Variants in DCAF1 observed in about 807,000 individuals in gnomAD.
The protein encoded by DCAF1 is DDB1- and CUL4-associated factor 1.
DCAF1 carries 15 observed loss-of-function variants against 128.0 expected under a neutral mutation model. The observed-to-expected ratio is 0.12, with a 90% CI of 0.08 to 0.18. The LOEUF (loss-of-function observed/expected upper bound fraction) is 0.18. Among genes scored for constraint, DCAF1 ranks in the 10% least tolerant of loss-of-function variants. The pLI, the probability that DCAF1 is intolerant of heterozygous loss-of-function variation, is 1.00. For synonymous variants in DCAF1, 610 were observed against 603.0 expected (o/e 1.01, Z -0.17); for missense variants, 988 against 1,649.5 (o/e 0.60, Z 6.95).
rs782529546 is a variant in DCAF1, at chr3:51,414,721, C to T, written c.3740G>A (p.Arg1247His). The change falls in exon 19 of 25, where the codon CGC becomes CAC. Residue 1247 changes from arginine (R) to histidine (H), a missense_variant. Physicochemically the swap from Arg to His is conservative, Grantham distance 29. Around this residue, in one of 11 missense-constraint regions of DCAF1, gnomAD observed 85 missense variants for 204.6 expected, o/e 0.42. Coordinates refer to ENST00000684031, the MANE Select transcript of DCAF1 (RefSeq NM_001387579.1). Reference protein sequence around the residue: ...VLNDGVLWDVRSAQAIHKFDK... With the variant: ...VLNDGVLWDVHSAQAIHKFDK... The stretch of plus-strand genomic sequence containing the variant: ...AAACTTGTGGATGGCCTGTGCAGAG[C>T]GGACATCCCAGAGGACGCCATCATT... The T allele has an allele frequency of 1.7e-5, 27 of 1,613,862 alleles. No individual in the cohort carries two copies. In the African/African-American group the frequency reaches 2.4e-4, roughly 14 times the overall value.
chr3:51,419,917 C>A lies in DCAF1; in HGVS notation c.3053G>T (p.Arg1018Leu). Reference sequence around the variant, plus strand: ...GCAGGTGGCAACTGGATTCTTGCAGCGAGCATGTTGTTCTCTAAGATACTC... The same window carrying A: ...GCAGGTGGCAACTGGATTCTTGCAGAGAGCATGTTGTTCTCTAAGATACTC... The part of the protein sequence containing the change: ...ITEYLREQHA[R>L]CKNPVATCPP... The change falls in exon 15 of 25, where the codon CGC becomes CTC. Residue 1018 changes from arginine to leucine, a missense_variant. Around this residue, in one of 11 missense-constraint regions of DCAF1, gnomAD observed 105 missense variants for 266.7 expected, o/e 0.39. Transcript: ENST00000684031. The A allele has an allele frequency of 6.2e-7, 1 of 1,613,952 alleles. No individual in the cohort carries two copies. Among genetic ancestry groups the A allele is most frequent in the Non-Finnish European group, 8.5e-7 (1 of 1,179,890 alleles).
intron 3 of DCAF1, among the ~76,000 whole-genome samples, chr3:51,480,516 T>C (rs1706049796): frequency 6.6e-6 from 1 of 150,682 alleles, no homozygotes; most frequent in Non-Finnish European, 1.5e-5. Flanking sequence ...GGAGAATTGC[T>C]TGAAGCCAGG....
intron 22 of DCAF1, 131 bp from the exon 23 acceptor site, chr3:51,412,611 GCTGA>G (rs1374715303): frequency 4.2e-6 from 6 of 1,439,234 alleles, no homozygotes; most frequent in Non-Finnish European, 5.5e-6. Flanking sequence ...AAATTCTTGA[GCTGA>G]CTATGAAAAT....
At chr3:51,481,232 A>G (rs1378368616) in intron 3 of DCAF1, among the ~76,000 whole-genome samples, 1 of 152,232 alleles carries the variant, frequency 6.6e-6, no homozygotes, top group Non-Finnish European at 1.5e-5. Context: ...CTCTGTAGGA[A>G]AAAGGAAGTC....
upstream of DCAF1, among the ~76,000 whole-genome samples, chr3:51,504,193 C>T (rs570898062): frequency 1.3e-3 from 204 of 152,100 alleles, no homozygotes; most frequent in Admixed American, 3.2e-3. Context: ...CCCGCCACCA[C>T]GCCTGGCTAA....
At position 51,483,846 on chromosome 3, in the gene DCAF1, CA is replaced by C; in HGVS notation, c.-8-11del. Reference sequence around the variant, plus strand: ...GTAGTCATGGCTTTGCCTAAGGAAGCAAAAATAAAAATAAAAAAGACAACCA... The same window carrying C: ...GTAGTCATGGCTTTGCCTAAGGAAGCAAAATAAAAATAAAAAAGACAACCA... On this transcript the variant is annotated splice_polypyrimidine_tract_variant and intron_variant, in intron 2 of 24. Coordinates refer to ENST00000684031, the MANE Select transcript of DCAF1 (RefSeq NM_001387579.1). 5 of 1,566,704 alleles carry C rather than the reference CA, an allele frequency of 3.2e-6. No homozygotes were observed. The highest frequency in any genetic ancestry group is 4.4e-6 in the Non-Finnish European group (5 of 1,144,524).
chr3:51,471,543 G>A (rs1704748599), intron 3 of DCAF1, among the ~76,000 whole-genome samples: 2 of 151,964 alleles, frequency 1.3e-5, no homozygotes, highest in Admixed American at 6.6e-5. Flanking sequence ...CTTCACCTCA[G>A]AAACCAAAAA....
intron 6 of DCAF1, among the ~76,000 whole-genome samples, chr3:51,460,307 A>G (rs1178276169): frequency 3.3e-5 from 5 of 152,200 alleles, no homozygotes; most frequent in Admixed American, 2.6e-4. Flanking sequence ...ACTCCCATTC[A>G]CAACTGCTTC....
At position 51,493,114 on chromosome 3, in the gene DCAF1, C is replaced by T. The variant is rs1012098071; in HGVS notation, c.-9+3620G>A. On this transcript the variant is annotated intron_variant, in intron 2 of 24. Coordinates refer to ENST00000684031, the MANE Select transcript of DCAF1 (RefSeq NM_001387579.1). ...TTAAGTCACATGTAGAATTACTATA[C>T]GACCCAGCAATTTCACTACTAGATA... 5.3e-5 allele frequency among the ~76,000 whole-genome samples: 8 copies of T among 151,244 alleles called. No homozygotes were observed. In the East Asian group the frequency reaches 7.8e-4, roughly 15 times the overall value.
At chr3:51,451,242 C>A (rs550449585) in intron 6 of DCAF1, among the ~76,000 whole-genome samples, 31 of 151,264 alleles carry the variant, frequency 2.0e-4, no homozygotes, top group Admixed American at 4.6e-4. Context: ...CCATGTGACA[C>A]CACACTCAGC....
At chr3:51,500,872 C>T (rs889700825), upstream of DCAF1, among the ~76,000 whole-genome samples, 4 of 141,544 alleles carry the variant, frequency 2.8e-5, no homozygotes, top group Non-Finnish European at 4.5e-5. Context: ...AGTGCAGTGG[C>T]GCGATCACAG....
chr3:51,491,865 A>C (rs1245196538), intron 2 of DCAF1, among the ~76,000 whole-genome samples: 2 of 151,232 alleles, frequency 1.3e-5, no homozygotes, highest in East Asian at 3.9e-4. Context: ...CAAACAAAAA[A>C]GTACTGATGA....
chr3:51,496,641 A>G (rs1708264336), intron 2 of DCAF1, among the ~76,000 whole-genome samples, 93 bp downstream of exon 2: 1 of 151,890 alleles, frequency 6.6e-6, no homozygotes, highest in Non-Finnish European at 1.5e-5. Context: ...TTTTTCACAC[A>G]TGAGGAAACT....
At chr3:51,400,726 T>C (rs1372308206) in intron 24 of DCAF1, among the ~76,000 whole-genome samples, 3 of 152,118 alleles carry the variant, frequency 2.0e-5, no homozygotes, top group African/African-American at 4.8e-5. Context: ...CCTCCCATTC[T>C]GAAAGGTCGC....
At chr3:51,475,325 G>A (rs1487966478) in intron 3 of DCAF1, among the ~76,000 whole-genome samples, 1 of 152,138 alleles carries the variant, frequency 6.6e-6, no homozygotes, top group African/African-American at 2.4e-5. Context: ...CTCTGGGCCA[G>A]GCACAGTGGC....
At chr3:51,452,453 C>A (rs1702453260) in intron 6 of DCAF1, among the ~76,000 whole-genome samples, 1 of 152,094 alleles carries the variant, frequency 6.6e-6, no homozygotes, top group Non-Finnish European at 1.5e-5. Flanking sequence ...AAAAGGCTTG[C>A]AATCTGTTCT....
intron 6 of DCAF1, among the ~76,000 whole-genome samples, chr3:51,449,895 A>T (rs1702195915): frequency 6.6e-6 from 1 of 152,196 alleles, no homozygotes. Flanking sequence ...GATAACCAAG[A>T]TAAAATGGAC....
chr3:51,485,074 C>T (rs1007809333), intron 2 of DCAF1, among the ~76,000 whole-genome samples: 1 of 152,108 alleles, frequency 6.6e-6, no homozygotes, highest in Non-Finnish European at 1.5e-5. Context: ...CACCACCACG[C>T]CCAGCTAATT....
chr3:51,487,428 A>C (rs1346840848), intron 2 of DCAF1, among the ~76,000 whole-genome samples: 2 of 152,202 alleles, frequency 1.3e-5, no homozygotes, highest in Non-Finnish European at 2.9e-5. Flanking sequence ...TTGTTACATT[A>C]TTATTAACTA....
Sources: gnomAD v4.1 joint callset for allele counts (sites outside exome capture counted in the v4.1 genomes callset) on GRCh38, gnomAD v4.1.1 for gene constraint, gnomAD v4.1.1 regional missense constraint, MANE v1.5 for transcripts, NCBI Gene and HGNC (gene_info 2026-07-23, HGNC 2026-07-21) for gene names.